The following DCAF4 variants were observed in gnomAD, a reference collection of about 807,000 sequenced individuals.
DCAF4 encodes DDB1- and CUL4-associated factor 4.
DCAF4 carries 37 observed loss-of-function variants against 60.9 expected under a neutral mutation model. That is an observed-to-expected ratio of 0.61 (90% confidence interval 0.47 to 0.80). The LOEUF (loss-of-function observed/expected upper bound fraction) is 0.80. DCAF4 is among the 30% of genes least tolerant of loss of function. DCAF4 has a pLI of 0.00. For missense variants in DCAF4, 577 were observed against 650.0 expected, an observed-to-expected ratio of 0.89 and a Z score of 1.22; for synonymous variants, 243 against 254.8, an observed-to-expected ratio of 0.95 and a Z score of 0.44.
chr14:72,947,062 C>T, intron 7 of DCAF4, 80 bp from the exon 8 acceptor site: 1 of 1,576,878 alleles, frequency 6.3e-7, no homozygotes, highest in Non-Finnish European at 8.7e-7. Flanking sequence ...AGTCACACGT[C>T]TGTGTCCCCA....
Position 72,955,584 on chromosome 14 carries a change from G to A in DCAF4, c.1067G>A (p.Gly356Glu), listed in dbSNP as rs780903398. ...ATCTTTGCCATTGATCTGCGTTGTG[G>A]AAATCAAGGCAAGGGATGGAAGGCC... ...GEIFAIDLRC[G>E]NQGKGWKATR... The change falls in exon 12 of 14, where the codon GGA becomes GAA. Residue 356 changes from glycine (G) to glutamate (E), a missense_variant. Gly to Glu is a moderately conservative substitution (Grantham distance 98). Transcript: ENST00000358377. 1.9e-6 allele frequency: 3 copies of A among 1,614,164 alleles called. No homozygotes were observed. Among genetic ancestry groups the A allele is most frequent in the Non-Finnish European group, 2.5e-6 (3 of 1,180,008 alleles).
At chr14:72,956,739 C>G (rs1018869301) in intron 13 of DCAF4, 3 of 437,194 alleles carry the variant, frequency 6.9e-6, no homozygotes, top group Non-Finnish European at 1.3e-5. Context: ...GCAAACGTCA[C>G]TTCAGAAACA....
intron 1 of DCAF4, among the ~76,000 whole-genome samples, chr14:72,935,769 T>C (rs1165122115): frequency 6.6e-6 from 1 of 152,252 alleles, no homozygotes; most frequent in Non-Finnish European, 1.5e-5. Flanking sequence ...TCCTGCCTCC[T>C]GTGGGTGATC....
At chr14:72,960,503 C>A, downstream of DCAF4, 1 of 476,908 alleles carries the variant, frequency 2.1e-6, no homozygotes, top group East Asian at 1.3e-4. Flanking sequence ...GCTCTGACCT[C>A]TTCCTTCTCC....
chr14:72,949,158 A>G (rs1891100462), intron 8 of DCAF4, among the ~76,000 whole-genome samples: 1 of 152,238 alleles, frequency 6.6e-6, no homozygotes, highest in African/African-American at 2.4e-5. Flanking sequence ...ATAGTCAAGA[A>G]TGTCACCTGG....
chr14:72,945,149 T>C (rs1890561420), intron 6 of DCAF4, among the ~76,000 whole-genome samples: 1 of 151,922 alleles, frequency 6.6e-6, no homozygotes, highest in Admixed American at 6.6e-5. Flanking sequence ...TCCCAGCACT[T>C]TGGGTGGCTG....
chr14:72,941,487 C>A (rs563581332), intron 4 of DCAF4, among the ~76,000 whole-genome samples: 17 of 152,264 alleles, frequency 1.1e-4, no homozygotes, highest in Non-Finnish European at 2.2e-4. Context: ...GTGGCTTCGT[C>A]CCCCCGGGTG....
In DCAF4 at chr14:72,954,206, G is replaced by C; in HGVS notation, c.851G>C (p.Gly284Ala). Residue 284 changes from glycine (G) to alanine (A), a missense_variant, in exon 10 of 14, where the codon GGT becomes GCT. Physicochemically the swap from Gly to Ala is moderately conservative, Grantham distance 60. Coordinates refer to ENST00000358377, the MANE Select transcript of DCAF4 (RefSeq NM_015604.4). ...ATGCTCTGCAGTTTCCGGATCCCTG[G>C]TGCCTGGTCCTGTGCCTGGTCCCTG... ...PGMLCSFRIPGAWSCAWSLNI... is the reference protein window; with the variant it reads ...PGMLCSFRIPAAWSCAWSLNI... 2 of 1,614,152 alleles carry C rather than the reference G, an allele frequency of 1.2e-6. No homozygotes were observed. Among genetic ancestry groups the C allele is most frequent in the Non-Finnish European group, 1.7e-6 (2 of 1,180,030 alleles).
chr14:72,945,115 A>AG lies in DCAF4; in HGVS notation c.535-767dup, dbSNP rs547203376. On this transcript the variant is annotated intron_variant, in intron 6 of 13. Transcript: ENST00000358377. ...AAAAAATTAGCCCACATCCTGAGCG[A>AG]GGCATGGTGCCTCACACCTGTAATC... Among the ~76,000 whole-genome samples the AG allele has an allele frequency of 5.1e-4, 78 of 151,668 alleles. 1 individual carries two copies. The highest frequency in any genetic ancestry group is 3.5e-3 in the Middle Eastern group (1 of 288).
rs367684354 is a variant in DCAF4 at position 72,954,174 on chromosome 14, G to A, written c.819G>A (p.Arg273=). The change falls in exon 10 of 14, where the codon CGG becomes CGA. Residue 273 remains arginine, a synonymous_variant. Transcript: ENST00000358377. ...CTATCCCCTTAGCAGGAATAGACCGGCCTGGCATGCTCTGCAGTTTCCGGA... is the reference window on the plus strand; with the variant it reads ...CTATCCCCTTAGCAGGAATAGACCGACCTGGCATGCTCTGCAGTTTCCGGA... ...LFVNSHPGID[R]PGMLCSFRIP... is the part of the protein sequence containing the mutation. 2.7e-5 allele frequency: 44 copies of A among 1,613,996 alleles called. No individual in the cohort carries two copies. In the African/African-American group the frequency reaches 5.5e-4, roughly 20 times the overall value.
rs115353703 is a variant in DCAF4 at position 72,942,832 on chromosome 14, C to T, written c.432-162C>T. 1,164 of 628,208 alleles carry T rather than the reference C, an allele frequency of 1.9e-3. 13 individuals carry two copies. In the African/African-American group the frequency reaches 0.019, roughly 10 times the overall value. The allele number at this position is 628,208 out of a possible 1,614,324, so 38.9% of individuals were successfully genotyped here. On this transcript the variant is annotated intron_variant, in intron 5 of 13. Transcript: ENST00000358377. ...AGCGTTCTGTGGGGAAACTCAAATT[C>T]GGATAATCTGGGATCTTGCTCAGCT...
chr14:72,953,765 T>TATATATATATA (rs1891852668), intron 9 of DCAF4, among the ~76,000 whole-genome samples: 2 of 21,972 alleles, frequency 9.1e-5, no homozygotes, highest in African/African-American at 2.9e-4. Context: ...ATATATATAG[T>TATATATATATA]TTATTTATTT....
At chr14:72,934,605 T>G (rs1889019058) in intron 1 of DCAF4, among the ~76,000 whole-genome samples, 1 of 152,160 alleles carries the variant, frequency 6.6e-6, no homozygotes, top group South Asian at 2.1e-4. Flanking sequence ...GACATTTTCA[T>G]TCTTCAGACT....
chr14:72,952,694 T>C (rs961164149), intron 9 of DCAF4, among the ~76,000 whole-genome samples: 1 of 144,506 alleles, frequency 6.9e-6, no homozygotes, highest in African/African-American at 2.5e-5. Context: ...GTCTTGTCTT[T>C]TTTTTTTTTT....
chr14:72,951,475 G>T (rs1891403575), intron 8 of DCAF4, among the ~76,000 whole-genome samples: 1 of 152,086 alleles, frequency 6.6e-6, no homozygotes, highest in African/African-American at 2.4e-5. Flanking sequence ...CCCGGGCGTG[G>T]TGGCACATGC....
intron 8 of DCAF4, 55 bp from the exon 9 acceptor site, chr14:72,951,743 T>C (rs1399381119): frequency 7.0e-6 from 11 of 1,561,948 alleles, no homozygotes; most frequent in Non-Finnish European, 7.1e-6. Flanking sequence ...TAAATGTCCA[T>C]GCCTCCTCCC....
intron 13 of DCAF4, among the ~76,000 whole-genome samples, chr14:72,958,384 T>C (rs2084381593): frequency 6.6e-6 from 1 of 152,214 alleles, no homozygotes. Context: ...AGCCAGGATG[T>C]CTCCGAGCCA....
chr14:72,956,058 G>A (rs374337546), intron 12 of DCAF4, among the ~76,000 whole-genome samples: 2 of 151,246 alleles, frequency 1.3e-5, no homozygotes, highest in African/African-American at 4.8e-5. Flanking sequence ...GAGTAGCTGG[G>A]ATTACAGGTA....
chr14:72,928,415 C>T (rs1291710547), intron 1 of DCAF4, among the ~76,000 whole-genome samples: 3 of 148,772 alleles, frequency 2.0e-5, no homozygotes. Flanking sequence ...GATGGTCTCA[C>T]ATATCTGCCG....
Sources: gnomAD v4.1 joint callset for allele counts (sites outside exome capture counted in the v4.1 genomes callset) on GRCh38, gnomAD v4.1.1 for gene constraint, MANE v1.5 for transcripts, NCBI Gene and HGNC (gene_info 2026-07-23, HGNC 2026-07-21) for gene names.